Variants in PLXDC2 observed in about 807,000 individuals in gnomAD.
The protein encoded by PLXDC2 is plexin domain-containing protein 2.
Under a neutral mutation model 68.9 loss-of-function variants are expected in PLXDC2, and 40 were observed. The ratio of observed to expected loss-of-function variants is 0.58; its 90% CI spans 0.45 to 0.76. PLXDC2 has a LOEUF of 0.76. Ranked by LOEUF, PLXDC2 falls within the 30% of genes least tolerant of loss-of-function variation. The pLI is 0.00. For missense variants in PLXDC2, 644 were observed against 661.9 expected (o/e 0.97, Z 0.30); for synonymous variants, 243 against 234.2 (o/e 1.04, Z -0.34).
chr10:19,983,330 G>GA (rs1834584358), intron 1 of PLXDC2, among the ~76,000 whole-genome samples: 1 of 152,068 alleles, frequency 6.6e-6, no homozygotes, highest in African/African-American at 2.4e-5. Flanking sequence ...TTGCGAAAAA[G>GA]AAAAAGAAAG....
intron 1 of PLXDC2, among the ~76,000 whole-genome samples, chr10:19,848,698 C>T (rs1476727614): frequency 6.6e-6 from 1 of 152,168 alleles, no homozygotes; most frequent in African/African-American, 2.4e-5. Context: ...AATATTTCCA[C>T]GAAGTACCCA....
intron 4 of PLXDC2, among the ~76,000 whole-genome samples, chr10:20,107,211 A>G (rs1252915109): frequency 6.6e-6 from 1 of 151,950 alleles, no homozygotes; most frequent in Non-Finnish European, 1.5e-5. Context: ...TCCATAGGAT[A>G]GCATCTATTA....
intron 1 of PLXDC2, among the ~76,000 whole-genome samples, chr10:19,883,386 A>G (rs1396147068): frequency 6.6e-6 from 1 of 152,218 alleles, no homozygotes; most frequent in Non-Finnish European, 1.5e-5. Context: ...GTTGCCATCA[A>G]AACTCCACCC....
Position 20,280,090 on chromosome 10 carries a change from T to A in PLXDC2, c.*271T>A. 1 of 336,030 alleles carries A rather than the reference T, an allele frequency of 3.0e-6. No individual in the cohort carries two copies. Among genetic ancestry groups the A allele is most frequent in the Non-Finnish European group, 5.4e-6 (1 of 185,144 alleles). The allele number at this position is 336,030 out of a possible 1,614,324, so 20.8% of individuals were successfully genotyped here. On this transcript the variant is annotated 3_prime_UTR_variant, in exon 14 of 14. Coordinates refer to ENST00000377252, the MANE Select transcript of PLXDC2 (RefSeq NM_032812.9). ...ACTCGGAACATCTCCCGTGGACTTA[T>A]CTGAAGTATGACAAGATTATAATGC...
intron 1 of PLXDC2, among the ~76,000 whole-genome samples, chr10:19,835,415 C>A (rs77484808): frequency 6.6e-6 from 1 of 152,240 alleles, no homozygotes; most frequent in African/African-American, 2.4e-5. Flanking sequence ...TCATGTTTTC[C>A]AGGTGCTTTA....
chr10:19,886,992 G>A (rs1287182025), intron 1 of PLXDC2, among the ~76,000 whole-genome samples: 1 of 152,146 alleles, frequency 6.6e-6, no homozygotes, highest in Non-Finnish European at 1.5e-5. Context: ...GAAAAACATA[G>A]TGTCTCAGTA....
intron 9 of PLXDC2, among the ~76,000 whole-genome samples, chr10:20,178,329 T>A (rs1203824473): frequency 6.6e-6 from 1 of 152,152 alleles, no homozygotes; most frequent in Non-Finnish European, 1.5e-5. Context: ...AATAATCATT[T>A]GTTGGAAATA....
At chr10:20,124,639 G>A (rs1046750669) in intron 4 of PLXDC2, among the ~76,000 whole-genome samples, 5 of 151,910 alleles carry the variant, frequency 3.3e-5, no homozygotes, top group East Asian at 1.9e-4. Flanking sequence ...GAGAGTCAGC[G>A]AAGGGAGATG....
intron 1 of PLXDC2, among the ~76,000 whole-genome samples, chr10:19,969,171 C>G (rs1834310152): frequency 6.6e-6 from 1 of 152,168 alleles, no homozygotes; most frequent in African/African-American, 2.4e-5. Flanking sequence ...AGATCAGAAA[C>G]ATGTGATGGA....
chr10:20,024,453 T>C (rs954729315), intron 2 of PLXDC2, among the ~76,000 whole-genome samples: 1 of 152,238 alleles, frequency 6.6e-6, no homozygotes, highest in African/African-American at 2.4e-5. Context: ...CAATCTTTGG[T>C]CTCCAATTGA....
intron 1 of PLXDC2, among the ~76,000 whole-genome samples, chr10:19,867,876 G>A (rs1277159193): frequency 6.6e-6 from 1 of 152,060 alleles, no homozygotes; most frequent in Non-Finnish European, 1.5e-5. Context: ...CAGAAGGAGA[G>A]CCTCTCTGAA....
chr10:20,187,554 T>C (rs1414983180), intron 9 of PLXDC2, among the ~76,000 whole-genome samples: 1 of 151,706 alleles, frequency 6.6e-6, no homozygotes, highest in Non-Finnish European at 1.5e-5. Context: ...TTACAGTTAT[T>C]GACATAACTG....
intron 1 of PLXDC2, among the ~76,000 whole-genome samples, chr10:19,913,206 G>A (rs930686687): frequency 6.6e-6 from 1 of 152,118 alleles, no homozygotes; most frequent in Admixed American, 6.6e-5. Context: ...GGTGGGAGGT[G>A]ATTGGATCGT....
At chr10:20,229,538 G>C (rs1244602568) in intron 12 of PLXDC2, among the ~76,000 whole-genome samples, 1 of 105,554 alleles carries the variant, frequency 9.5e-6, no homozygotes, top group Non-Finnish European at 2.1e-5. Flanking sequence ...AAAAAAAAAA[G>C]GAATTGATGT....
intron 3 of PLXDC2, among the ~76,000 whole-genome samples, chr10:20,048,370 C>G (rs1278366723): frequency 6.6e-6 from 1 of 151,784 alleles, no homozygotes; most frequent in Non-Finnish European, 1.5e-5. Flanking sequence ...ATTCCATCAT[C>G]CACCCCCACC....
At chr10:20,080,641 C>T (rs1836537201) in intron 4 of PLXDC2, among the ~76,000 whole-genome samples, 1 of 152,176 alleles carries the variant, frequency 6.6e-6, no homozygotes, top group Admixed American at 6.5e-5. Flanking sequence ...GCAGCTGATT[C>T]GATGGTGCCC....
At chr10:19,968,229 A>G (rs1834296710) in intron 1 of PLXDC2, among the ~76,000 whole-genome samples, 1 of 152,210 alleles carries the variant, frequency 6.6e-6, no homozygotes, top group South Asian at 2.1e-4. Context: ...ATGGAAAGTG[A>G]AGTCAATTGT....
rs1564343073 is a variant in PLXDC2, at chr10:20,177,425, T to G, written c.1061+16T>G. ...AACTTCAAAGGTAAAAATATAATAA[T>G]AAGAATAATAATAAAATTTAAAAAG... On this transcript the variant is annotated intron_variant, in intron 9 of 13. Transcript: ENST00000377252. 7.4e-6 allele frequency: 9 copies of G among 1,213,058 alleles called. No homozygotes were observed. The highest frequency in any genetic ancestry group is 2.0e-5 in the South Asian group (1 of 49,632). The allele number at this position is 1,213,058 out of a possible 1,614,324, so 75.1% of individuals were successfully genotyped here.
At chr10:20,168,752 T>C (rs776913043) in intron 7 of PLXDC2, among the ~76,000 whole-genome samples, 1 of 152,198 alleles carries the variant, frequency 6.6e-6, no homozygotes, top group Non-Finnish European at 1.5e-5. Context: ...TGTAAAAATA[T>C]ACTTATTATG....
Sources: gnomAD v4.1 joint callset for allele counts (sites outside exome capture counted in the v4.1 genomes callset) on GRCh38, gnomAD v4.1.1 for gene constraint, MANE v1.5 for transcripts, NCBI Gene and HGNC (gene_info 2026-07-23, HGNC 2026-07-21) for gene names.